CTDP1: variants seen among roughly 807,000 people sequenced by gnomAD.
CTDP1 encodes the protein CTD phosphatase 1, also known as RNA polymerase II subunit A C-terminal domain phosphatase.
Under a neutral mutation model 91.8 loss-of-function variants are expected in CTDP1, and 47 were observed. The ratio of observed to expected loss-of-function variants is 0.51; its 90% CI spans 0.41 to 0.65. The LOEUF (loss-of-function observed/expected upper bound fraction) is 0.65. Ranked by LOEUF, CTDP1 falls within the 30% of genes least tolerant of loss-of-function variation. The probability of loss-of-function intolerance (pLI) is 0.00; values close to 1 mark genes in which losing one functional copy is unlikely to be tolerated. For missense variants in CTDP1, 1,272 were observed against 1,373.7 expected (o/e 0.93, Z 1.17); for synonymous variants, 656 against 598.5 (o/e 1.10, Z -1.40).
chr18:79,685,955 T>A (rs781382007), intron 1 of CTDP1, among the ~76,000 whole-genome samples: 10 of 152,258 alleles, frequency 6.6e-5, no homozygotes, highest in Non-Finnish European at 1.3e-4. Context: ...TTAAAAAAGA[T>A]ATTTGTGCCT....
At chr18:79,720,730 C>G (rs2086327668) in intron 10 of CTDP1, among the ~76,000 whole-genome samples, 1 of 152,140 alleles carries the variant, frequency 6.6e-6, no homozygotes, top group South Asian at 2.1e-4. Context: ...TTCTCTAGCT[C>G]TTCGAGGCCA....
intron 1 of CTDP1, among the ~76,000 whole-genome samples, chr18:79,682,193 C>T (rs2085386435): frequency 6.6e-6 from 1 of 152,216 alleles, no homozygotes; most frequent in Non-Finnish European, 1.5e-5. Flanking sequence ...GTCCAGATGA[C>T]ACTGCCCTGG....
At chr18:79,748,560 A>G (rs534725) in intron 12 of CTDP1, among the ~76,000 whole-genome samples, 142,696 of 152,298 alleles carry the variant, frequency 0.94, 67,496 homozygotes, top group East Asian at 1. Flanking sequence ...CAGCATCGTG[A>G]GGTCCAGGCC....
intron 5 of CTDP1, among the ~76,000 whole-genome samples, 173 bp from the exon 6 acceptor site, chr18:79,710,173 G>A (rs957490236): frequency 2.0e-5 from 3 of 152,016 alleles, no homozygotes; most frequent in African/African-American, 7.3e-5. Flanking sequence ...CACCATAAGA[G>A]AAAAGAAGCC....
At chr18:79,686,554 A>G (rs2085498030) in intron 1 of CTDP1, among the ~76,000 whole-genome samples, 2 of 152,246 alleles carry the variant, frequency 1.3e-5, no homozygotes. Context: ...ATATGTGCAA[A>G]ATTCCTTACA....
chr18:79,746,544 C>T (rs999478551), intron 12 of CTDP1, among the ~76,000 whole-genome samples: 12 of 152,370 alleles, frequency 7.9e-5, no homozygotes, highest in African/African-American at 2.9e-4. Flanking sequence ...CAAACTGCAT[C>T]TCTTGGAAAA....
At chr18:79,733,419 A>G (rs1444235027) in intron 11 of CTDP1, among the ~76,000 whole-genome samples, 1 of 152,180 alleles carries the variant, frequency 6.6e-6, no homozygotes, top group African/African-American at 2.4e-5. Flanking sequence ...TGCCGGAACC[A>G]GGGCTGGGAG....
intron 12 of CTDP1, among the ~76,000 whole-genome samples, chr18:79,737,586 C>T (rs924419481): frequency 1.2e-4 from 19 of 152,060 alleles, no homozygotes; most frequent in Middle Eastern, 3.4e-3. Flanking sequence ...TCAGGTTGGT[C>T]GATGAACAGG....
intron 10 of CTDP1, among the ~76,000 whole-genome samples, chr18:79,726,093 G>A (rs963000232): frequency 6.6e-6 from 1 of 152,116 alleles, no homozygotes; most frequent in African/African-American, 2.4e-5. Flanking sequence ...GCTTTTCAGG[G>A]CCATCTCTGC....
chr18:79,753,123 T>C (rs1171727670), intron 12 of CTDP1, among the ~76,000 whole-genome samples: 54 of 103,634 alleles, frequency 5.2e-4, no homozygotes, highest in African/African-American at 7.5e-4. Flanking sequence ...CTAGTGGTAC[T>C]GGCTGGTTAT....
intron 10 of CTDP1, among the ~76,000 whole-genome samples, chr18:79,722,533 T>G (rs1165954524): frequency 2.0e-5 from 3 of 152,216 alleles, no homozygotes; most frequent in Non-Finnish European, 2.9e-5. Context: ...TAGGTTGCGA[T>G]AATCGTCAGT....
chr18:79,683,668 A>G (rs1048327722), intron 1 of CTDP1, among the ~76,000 whole-genome samples: 21 of 152,316 alleles, frequency 1.4e-4, no homozygotes, highest in African/African-American at 5.1e-4. Flanking sequence ...GGCTTGGGCG[A>G]AGCCCTTGAT....
chr18:79,715,201 G>C lies in CTDP1; in HGVS notation c.1741G>C (p.Glu581Gln). The C allele has an allele frequency of 6.2e-7, 1 of 1,612,342 alleles. No individual in the cohort carries two copies. The change falls in exon 8 of 13, where the codon GAG (glutamate) becomes CAG (glutamine). Residue 581 changes from glutamate to glutamine, a missense_variant. Transcript: ENST00000613122. ...GGACCAGAGCATGGAGGAGGAGGAG[G>C]AGGAGGACACGGATGAGGATGACCA... ...SLDQSMEEEE[E>Q]EDTDEDDHLI...
chr18:79,730,764 C>T (rs1441654194), intron 11 of CTDP1, among the ~76,000 whole-genome samples: 2 of 152,166 alleles, frequency 1.3e-5, no homozygotes, highest in African/African-American at 2.4e-5. Context: ...GGAGCCCCGG[C>T]GCCAAGGACC....
chr18:79,731,167 G>C (rs2086558291), intron 11 of CTDP1, among the ~76,000 whole-genome samples: 1 of 152,200 alleles, frequency 6.6e-6, no homozygotes, highest in South Asian at 2.1e-4. Context: ...GGGTGGGGCT[G>C]CTGCTCGTTT....
chr18:79,732,321 A>C (rs1448301339), intron 11 of CTDP1, among the ~76,000 whole-genome samples: 2 of 150,284 alleles, frequency 1.3e-5, no homozygotes, highest in Non-Finnish European at 3.0e-5. Context: ...TTGAGACATG[A>C]GAACTAACAT....
rs774687256 is a variant in CTDP1 at position 79,714,547 on chromosome 18, G to C, written c.1087G>C (p.Glu363Gln). 6.2e-7 allele frequency: 1 copy of C among 1,613,156 alleles called. No homozygotes were observed. The highest frequency in any genetic ancestry group is 8.5e-7 in the Non-Finnish European group (1 of 1,180,040). The stretch of plus-strand genomic sequence containing the variant: ...GCCATCTCCGCCCGTGAGAGACCCT[G>C]AGGGGGTAACGCAGGCCCCTGGAGT... ...SEPSPPVRDP[E>Q]GVTQAPGVEP... The change falls in exon 8 of 13, where the codon GAG becomes CAG. Residue 363 changes from glutamate to glutamine, a missense_variant. By Grantham distance (29) the Glu-to-Gln change is conservative. Coordinates refer to ENST00000613122, the MANE Select transcript of CTDP1 (RefSeq NM_004715.5).
At chr18:79,719,762 C>T (rs1599265470) in intron 10 of CTDP1, among the ~76,000 whole-genome samples, 1 of 144,470 alleles carries the variant, frequency 6.9e-6, no homozygotes, top group South Asian at 2.3e-4. Context: ...GATGCTGTCA[C>T]CTCCCATCAT....
At chr18:79,748,405 C>G (rs1025068321) in intron 12 of CTDP1, among the ~76,000 whole-genome samples, 2 of 152,180 alleles carry the variant, frequency 1.3e-5, no homozygotes, top group African/African-American at 4.8e-5. Context: ...GAGGGAGGGC[C>G]GCCCCAGCCC....
Sources: allele counts gnomAD v4.1 joint callset (sites outside exome capture counted in the v4.1 genomes callset), GRCh38; gene constraint gnomAD v4.1.1; transcripts MANE v1.5; gene names NCBI Gene and HGNC (gene_info 2026-07-23, HGNC 2026-07-21).